CAMK2A: variants seen among roughly 807,000 people sequenced by gnomAD.
CAMK2A encodes calcium/calmodulin-dependent protein kinase type II subunit alpha.
CAMK2A carries 7 observed loss-of-function variants against 79.2 expected under a neutral mutation model. The ratio of observed to expected loss-of-function variants is 0.09; its 90% CI spans 0.05 to 0.17. The LOEUF is 0.17. CAMK2A is among the 10% of genes least tolerant of loss of function. The pLI is 1.00. For synonymous variants in CAMK2A, 242 were observed against 251.7 expected (o/e 0.96, Z 0.36); for missense variants, 214 against 646.4 (o/e 0.33, Z 7.25).
At chr5:150,252,195 G>C (rs1262131461) in intron 7 of CAMK2A, 130 bp from the exon 8 acceptor site, 2 of 700,744 alleles carry the variant, frequency 2.9e-6, no homozygotes, top group East Asian at 5.4e-5. Context: ...CTGCCCCTCA[G>C]GTGCACTTGG....
At chr5:150,258,110 C>G (rs1394803553) in intron 3 of CAMK2A, among the ~76,000 whole-genome samples, 1 of 152,214 alleles carries the variant, frequency 6.6e-6, no homozygotes, top group Non-Finnish European at 1.5e-5. Context: ...TAATATCCTG[C>G]TCTGCTCCCA....
intron 1 of CAMK2A, among the ~76,000 whole-genome samples, 196 bp downstream of exon 1, chr5:150,289,368 C>T (rs1374894145): frequency 6.6e-6 from 1 of 152,214 alleles, no homozygotes; most frequent in South Asian, 2.1e-4. Flanking sequence ...TAGCTTGGCA[C>T]ATCTGTGCAC....
intron 2 of CAMK2A, 102 bp from the exon 3 acceptor site, chr5:150,265,117 C>T: frequency 1.1e-6 from 1 of 874,458 alleles, no homozygotes; most frequent in Non-Finnish European, 1.9e-6. Context: ...CCCAGGGCAG[C>T]CCCTGGGGGC....
chr5:150,272,062 G>A (rs1397968940), intron 2 of CAMK2A, among the ~76,000 whole-genome samples: 2 of 152,188 alleles, frequency 1.3e-5, no homozygotes, highest in African/African-American at 2.4e-5. Flanking sequence ...TGGAGGACCC[G>A]AGAGTGGCGT....
chr5:150,284,421 CAG>C lies in CAMK2A; in HGVS notation c.62+5141_62+5142del, dbSNP rs1301057905. On this transcript the variant is annotated intron_variant, in intron 1 of 18. Coordinates refer to ENST00000671881, the MANE Select transcript of CAMK2A (RefSeq NM_015981.4). The surrounding 1 kb of genome is among the most constrained non-coding windows in gnomAD (Gnocchi z 5.3). The stretch of plus-strand genomic sequence containing the variant: ...ACTCCGAGGCTCTGCCCTCACCCCA[CAG>C]AGAGGGCCATGGCCCAGACTGCAGG... Among the ~76,000 whole-genome samples, 2 of 151,274 alleles carry C rather than the reference CAG, an allele frequency of 1.3e-5. No homozygotes were observed. The highest frequency in any genetic ancestry group is 3.9e-4 in the East Asian group (2 of 5,124).
At chr5:150,265,307 A>G in intron 2 of CAMK2A, 1 of 403,074 alleles carries the variant, frequency 2.5e-6, no homozygotes, top group Non-Finnish European at 4.7e-6. Context: ...CCTGTTCCTC[A>G]GGCCCTATAC....
chr5:150,221,464 C>G lies in CAMK2A; in HGVS notation c.*1246G>C. On this transcript the variant is annotated 3_prime_UTR_variant, in exon 19 of 19. Coordinates refer to ENST00000671881, the MANE Select transcript of CAMK2A (RefSeq NM_015981.4). The stretch of plus-strand genomic sequence containing the variant: ...GGTGGGGGGTGCTGGGGGCGGCACA[C>G]AGATATGGTGAGATGAAATCCTGGG... The G allele has an allele frequency of 2.5e-6, 1 of 398,690 alleles. No homozygotes were observed. Among genetic ancestry groups the G allele is most frequent in the Non-Finnish European group, 4.4e-6 (1 of 226,066 alleles). The allele number at this position is 398,690 out of a possible 1,614,324, so 24.7% of individuals were successfully genotyped here.
At position 150,264,934 on chromosome 5, in the gene CAMK2A, C is replaced by G. The variant is rs368697825; in HGVS notation, c.217+22G>C. ...GAGCAGGGCCTGGCTCCCCTGCGCC[C>G]CTCTCATCCCACAAGGCTCACCGAT... On this transcript the variant is annotated intron_variant, in intron 3 of 18. Transcript: ENST00000671881. 5.6e-6 allele frequency: 9 copies of G among 1,609,548 alleles called. No homozygotes were observed. The Admixed American group carries it at 1.5e-4, about 27-fold the overall frequency.
intron 10 of CAMK2A, 103 bp downstream of exon 10, chr5:150,250,585 C>A: frequency 6.8e-7 from 1 of 1,473,546 alleles, no homozygotes. Flanking sequence ...TGGATTAAGC[C>A]CTCTTGGCCC....
intron 15 of CAMK2A, among the ~76,000 whole-genome samples, chr5:150,234,535 C>T (rs1754982939): frequency 6.6e-6 from 1 of 152,302 alleles, no homozygotes; most frequent in East Asian, 1.9e-4. Context: ...ACATGGTCCT[C>T]ACAGAGAGCC....
At chr5:150,248,351 AAT>A (rs1755667362) in intron 11 of CAMK2A, among the ~76,000 whole-genome samples, 2 of 146,938 alleles carry the variant, frequency 1.4e-5, no homozygotes, top group Admixed American at 1.4e-4. Flanking sequence ...TATATTATAT[AAT>A]ACTTTAAGTT....
At chr5:150,249,247 C>A (rs941349840) in intron 11 of CAMK2A, among the ~76,000 whole-genome samples, 2 of 152,248 alleles carry the variant, frequency 1.3e-5, no homozygotes, top group Admixed American at 1.3e-4. Context: ...AAAGGCCAGG[C>A]CAGGAGCTGT....
At chr5:150,267,550 T>G (rs1055182046) in intron 2 of CAMK2A, among the ~76,000 whole-genome samples, 10 of 152,228 alleles carry the variant, frequency 6.6e-5, no homozygotes, top group African/African-American at 2.2e-4. Flanking sequence ...TTACATCATC[T>G]TATGCATGGT....
chr5:150,222,295 G>A lies in CAMK2A; in HGVS notation c.*415C>T, dbSNP rs184203395. The A allele has an allele frequency of 4.4e-3, 2,604 of 590,934 alleles. 43 individuals carry two copies. The highest frequency in any genetic ancestry group is 0.031 in the South Asian group (1,566 of 50,420). 36.6% of individuals were successfully genotyped at this position (590,934 alleles called of 1,614,324 possible). The stretch of plus-strand genomic sequence containing the variant: ...CCCCGGGGACACTGGAAGAGGAGAG[G>A]TCTGGGAGAGGGACGGACGGATGCT... On this transcript the variant is annotated 3_prime_UTR_variant, in exon 19 of 19. Transcript: ENST00000671881.
intron 15 of CAMK2A, among the ~76,000 whole-genome samples, chr5:150,235,913 C>T (rs771788267): frequency 2.2e-4 from 33 of 152,126 alleles, no homozygotes; most frequent in Admixed American, 3.9e-4. Flanking sequence ...CTGCCAAACA[C>T]GGGGAGAAGC....
intron 13 of CAMK2A, among the ~76,000 whole-genome samples, chr5:150,239,961 A>G (rs1755266711): frequency 6.6e-6 from 1 of 152,074 alleles, no homozygotes; most frequent in African/African-American, 2.4e-5. Flanking sequence ...GTCCTCATGC[A>G]CACTGCCTGG....
intron 6 of CAMK2A, among the ~76,000 whole-genome samples, chr5:150,254,000 T>G (rs888040066): frequency 6.6e-6 from 1 of 152,232 alleles, no homozygotes; most frequent in Non-Finnish European, 1.5e-5. Context: ...GGCCTTCCTA[T>G]GCCCCTTGAA....
At chr5:150,281,650 T>C (rs933854942) in intron 1 of CAMK2A, among the ~76,000 whole-genome samples, 2 of 152,232 alleles carry the variant, frequency 1.3e-5, no homozygotes, top group African/African-American at 2.4e-5. Flanking sequence ...TTGAGGTCCA[T>C]AGTTGGGCTT....
At chr5:150,225,553 G>A (rs4958469) in intron 17 of CAMK2A, among the ~76,000 whole-genome samples, 34,726 of 151,984 alleles carry the variant, frequency 0.23, 4,690 homozygotes, top group Non-Finnish European at 0.31. Context: ...TTTTGCCATC[G>A]CTGAGCCTTT....
Sources: allele counts gnomAD v4.1 joint callset (sites outside exome capture counted in the v4.1 genomes callset), GRCh38; gene constraint gnomAD v4.1.1; non-coding constraint Gnocchi (gnomAD v3.1); transcripts MANE v1.5; gene names NCBI Gene and HGNC (gene_info 2026-07-23, HGNC 2026-07-21).